The following CABP1 variants were observed in gnomAD, a reference collection of about 807,000 sequenced individuals.
The protein encoded by CABP1 is calcium-binding protein 1.
Under a neutral mutation model 34.3 loss-of-function variants are expected in CABP1, and 17 were observed. The ratio of observed to expected loss-of-function variants is 0.50; its 90% CI spans 0.34 to 0.74. The LOEUF (loss-of-function observed/expected upper bound fraction) is 0.74. CABP1 is among the 30% of genes least tolerant of loss of function. The pLI, the probability that CABP1 is intolerant of heterozygous loss-of-function variation, is 0.01. For missense variants in CABP1, 373 were observed against 511.1 expected, an observed-to-expected ratio of 0.73 and a Z score of 2.61; for synonymous variants, 198 against 229.2, an observed-to-expected ratio of 0.86 and a Z score of 1.23.
At chr12:120,647,266 C>G (rs1431110078) in intron 1 of CABP1, among the ~76,000 whole-genome samples, 1 of 152,192 alleles carries the variant, frequency 6.6e-6, no homozygotes, top group Non-Finnish European at 1.5e-5. Context: ...ATCTCATTAG[C>G]TCCTCACAAG....
At chr12:120,653,489 G>T (rs1004555569) in intron 1 of CABP1, among the ~76,000 whole-genome samples, 1 of 152,166 alleles carries the variant, frequency 6.6e-6, no homozygotes, top group African/African-American at 2.4e-5. Flanking sequence ...CCCAAAGCCA[G>T]CAGGCTAAAC....
At chr12:120,670,853 T>G (rs1054870939), downstream of CABP1, among the ~76,000 whole-genome samples, 1 of 152,188 alleles carries the variant, frequency 6.6e-6, no homozygotes, top group African/African-American at 2.4e-5. Flanking sequence ...CATGCACACA[T>G]GCACTTGATG....
chr12:120,666,791 G>A (rs923332637), intron 5 of CABP1, 84 bp from the exon 6 acceptor site: 3 of 1,454,700 alleles, frequency 2.1e-6, no homozygotes, highest in Non-Finnish European at 1.9e-6. Flanking sequence ...TTGGGGCAGT[G>A]GCAACAGGGT....
At chr12:120,655,134 G>T (rs1298902995) in intron 1 of CABP1, among the ~76,000 whole-genome samples, 1 of 152,190 alleles carries the variant, frequency 6.6e-6, no homozygotes, top group Non-Finnish European at 1.5e-5. Context: ...CTTCAGAGGG[G>T]TCACCATCTC....
intron 1 of CABP1, among the ~76,000 whole-genome samples, chr12:120,652,425 C>T (rs941055256): frequency 2.6e-5 from 4 of 151,594 alleles, no homozygotes; most frequent in Non-Finnish European, 4.4e-5. Context: ...TTCTCTTTTC[C>T]GCTACATAGT....
Position 120,641,215 on chromosome 12 carries a change from C to G in CABP1, c.530C>G (p.Pro177Arg), listed in dbSNP as rs914224271. The change falls in exon 1 of 6, where the codon CCG becomes CGG. Residue 177 changes from proline (P) to arginine (R), a missense_variant. Pro to Arg is a moderately radical substitution (Grantham distance 103). Transcript: ENST00000316803. The surrounding 1 kb of genome is among the most constrained non-coding windows in gnomAD (Gnocchi z 6.7). ...GATGGGGAGGAACGGGGACTGTCCC[C>G]GGCGCTCGGCCTCCGGGGCTCTCTG... is the stretch of plus-strand genomic sequence containing the variant. Reference protein sequence around the residue: ...GRDGEERGLSPALGLRGSLRA... With the variant: ...GRDGEERGLSRALGLRGSLRA... 9.5e-6 allele frequency: 12 copies of G among 1,258,830 alleles called. No homozygotes were observed. The highest frequency in any genetic ancestry group is 1.2e-5 in the Non-Finnish European group (12 of 1,002,830). The allele number at this position is 1,258,830 out of a possible 1,614,324, so 78.0% of individuals were successfully genotyped here.
chr12:120,668,260 G>A (rs1171664748), downstream of CABP1, among the ~76,000 whole-genome samples: 1 of 152,216 alleles, frequency 6.6e-6, no homozygotes, highest in African/African-American at 2.4e-5. Context: ...ACTCTGGGGA[G>A]GCTGAGGCGG....
At chr12:120,665,427 AAAAT>A (rs563150478) in intron 5 of CABP1, among the ~76,000 whole-genome samples, 1 of 152,128 alleles carries the variant, frequency 6.6e-6, no homozygotes, top group Non-Finnish European at 1.5e-5. Context: ...CCCTGTCTCA[AAAAT>A]AAATAAATAA....
At chr12:120,655,822 C>CGTGT (rs758048487) in intron 1 of CABP1, 5 of 1,241,064 alleles carry the variant, frequency 4.0e-6, no homozygotes, top group Middle Eastern at 4.6e-4. Context: ...TGTGCCAGTG[C>CGTGT]GTGCGTGCGT....
the CABP1 span, among the ~76,000 whole-genome samples, chr12:120,680,377 CTCTG>C: frequency 6.6e-6 from 1 of 152,168 alleles, no homozygotes; most frequent in Non-Finnish European, 1.5e-5. Context: ...CTGAACCCAG[CTCTG>C]TCTGACCCCC....
chr12:120,643,208 T>A (rs956094342), intron 1 of CABP1, among the ~76,000 whole-genome samples: 1 of 124,454 alleles, frequency 8.0e-6, no homozygotes, highest in African/African-American at 3.4e-5. Context: ...ATTTACTACC[T>A]CCCTGTGGAA....
intron 1 of CABP1, chr12:120,655,901 A>G: frequency 1.3e-6 from 2 of 1,536,302 alleles, no homozygotes; most frequent in Non-Finnish European, 1.7e-6. Context: ...CGGAACCACC[A>G]TTTCCGTCAA....
chr12:120,668,409 G>A (rs1247074933), downstream of CABP1, among the ~76,000 whole-genome samples: 6 of 152,324 alleles, frequency 3.9e-5, no homozygotes, highest in East Asian at 1.2e-3. Flanking sequence ...CCAGGAGGTG[G>A]AGGCTGCAGT....
rs1186209946 is a variant in CABP1 at position 120,661,881 on chromosome 12, C to G, written c.1087+663C>G. On this transcript the variant is annotated intron_variant, in intron 5 of 5. Transcript: ENST00000316803. The surrounding 1 kb of genome is among the most constrained non-coding windows in gnomAD (Gnocchi z 5.1). ...TTATCCATGCATTTATCTGTCCATT[C>G]GTGCATCTATTCATTCTTCTCTACA... is the stretch of plus-strand genomic sequence containing the variant. 1 of 152,824 alleles carries G rather than the reference C, an allele frequency of 6.5e-6. No individual in the cohort carries two copies. Among genetic ancestry groups the G allele is most frequent in the African/African-American group, 2.4e-5 (1 of 41,462 alleles). The allele number at this position is 152,824 out of a possible 1,614,324, so 9.5% of individuals were successfully genotyped here.
chr12:120,642,550 T>A (rs1195243814), intron 1 of CABP1, among the ~76,000 whole-genome samples: 1 of 152,204 alleles, frequency 6.6e-6, no homozygotes, highest in Non-Finnish European at 1.5e-5. Context: ...GTGGCTTTGT[T>A]CCTGCAGGGA....
intron 1 of CABP1, chr12:120,655,810 T>A: frequency 6.6e-7 from 1 of 1,509,562 alleles, no homozygotes; most frequent in Non-Finnish European, 8.8e-7. Flanking sequence ...TGTGCATATG[T>A]ATGTGCCAGT....
chr12:120,659,155 C>T (rs73222794), intron 1 of CABP1: 7,897 of 152,270 alleles, frequency 0.052, 247 homozygotes, highest in South Asian at 0.094. Flanking sequence ...TGGTGGCCCC[C>T]GGGGTCCTAT....
intron 1 of CABP1, chr12:120,656,348 G>T (rs1593163915): frequency 1.5e-6 from 2 of 1,379,126 alleles, no homozygotes; most frequent in Admixed American, 2.8e-5. Flanking sequence ...TGAAGAAGGG[G>T]TCTATACAGA....
At chr12:120,655,574 G>C in intron 1 of CABP1, 2 of 1,274,082 alleles carry the variant, frequency 1.6e-6, no homozygotes, top group Non-Finnish European at 2.0e-6. Flanking sequence ...CATGCTGCCA[G>C]CTCCGATTGC....
Sources: allele counts gnomAD v4.1 joint callset (sites outside exome capture counted in the v4.1 genomes callset), GRCh38; gene constraint gnomAD v4.1.1; non-coding constraint Gnocchi (gnomAD v3.1); transcripts MANE v1.5; gene names NCBI Gene and HGNC (gene_info 2026-07-23, HGNC 2026-07-21).